Variants in GRIA1 observed in about 807,000 individuals in gnomAD.
GRIA1 encodes glutamate ionotropic receptor AMPA type subunit 1, also known as glutamate receptor 1.
GRIA1 carries 31 observed loss-of-function variants against 99.2 expected under a neutral mutation model. The observed-to-expected ratio is 0.31, with a 90% CI of 0.23 to 0.42. The LOEUF (loss-of-function observed/expected upper bound fraction) is 0.42, where lower values mean the gene tolerates loss of function less well. Among genes scored for constraint, GRIA1 ranks in the 10% least tolerant of loss-of-function variants. The pLI is 1.00. For missense variants in GRIA1, 782 were observed against 1,157.5 expected, an observed-to-expected ratio of 0.68 and a Z score of 4.71; for synonymous variants, 438 against 432.4, an observed-to-expected ratio of 1.01 and a Z score of -0.16.
At chr5:153,766,079 G>A (rs1289495879) in intron 12 of GRIA1, among the ~76,000 whole-genome samples, 1 of 152,088 alleles carries the variant, frequency 6.6e-6, no homozygotes, top group Non-Finnish European at 1.5e-5. Flanking sequence ...CTTGACCATG[G>A]GCTTTGTATT....
intron 5 of GRIA1, among the ~76,000 whole-genome samples, chr5:153,661,357 T>C (rs1755358935): frequency 6.6e-6 from 1 of 152,234 alleles, no homozygotes; most frequent in Non-Finnish European, 1.5e-5. Flanking sequence ...TCTGAGTTTT[T>C]GTTGCCTTAT....
chr5:153,740,751 G>T (rs1245545366), intron 11 of GRIA1, among the ~76,000 whole-genome samples: 1 of 152,102 alleles, frequency 6.6e-6, no homozygotes, highest in Non-Finnish European at 1.5e-5. Flanking sequence ...AGTGAACTAT[G>T]AACAGAAGTG....
At chr5:153,550,364 C>A (rs1388463162) in intron 2 of GRIA1, among the ~76,000 whole-genome samples, 7 of 150,804 alleles carry the variant, frequency 4.6e-5, no homozygotes, top group Non-Finnish European at 8.8e-5. Context: ...TAGAGGCAGG[C>A]ATTGGGGTGG....
In GRIA1 at chr5:153,705,693, T is replaced by TTTTTTTAA; in HGVS notation, c.1453-4_1453-3insTTTTTTAA. Reference sequence around the variant, plus strand: ...TTTTTTTTTTTTTTTTTTTTTTTTTTCAGAGAGCAGATGTGGCTGTGGCTC... The same window carrying TTTTTTTAA: ...TTTTTTTTTTTTTTTTTTTTTTTTTTTTTTTTAACAGAGAGCAGATGTGGCTGTGGCTC... On this transcript the variant is annotated splice_polypyrimidine_tract_variant and splice_region_variant and intron_variant, in intron 10 of 15. Transcript: ENST00000285900. The TTTTTTTAA allele has an allele frequency of 1.8e-6, 2 of 1,101,462 alleles. No homozygotes were observed. The highest frequency in any genetic ancestry group is 2.4e-6 in the Non-Finnish European group (2 of 840,710). The allele number at this position is 1,101,462 out of a possible 1,614,324, so 68.2% of individuals were successfully genotyped here. A position where few individuals can be genotyped will look rare whatever the true frequency, so the allele number is the denominator to read the frequency against.
chr5:153,695,107 C>G (rs1404845899), intron 8 of GRIA1, among the ~76,000 whole-genome samples: 1 of 152,094 alleles, frequency 6.6e-6, no homozygotes, highest in Admixed American at 6.6e-5. Context: ...GACCTGGGTT[C>G]TATGTTCTGC....
At chr5:153,780,970 T>G (rs2149637305) in intron 13 of GRIA1, among the ~76,000 whole-genome samples, 1 of 152,042 alleles carries the variant, frequency 6.6e-6, no homozygotes, top group Middle Eastern at 3.4e-3. Flanking sequence ...TTCCAGTGTC[T>G]GAGAAGCCCA....
In GRIA1 at chr5:153,650,601, G is replaced by A. The variant is rs924390337; in HGVS notation, c.645+87G>A. The A allele has an allele frequency of 4.2e-5, 55 of 1,295,674 alleles. No individual in the cohort carries two copies. In the African/African-American group the frequency reaches 8.0e-4, roughly 19 times the overall value. 80.3% of individuals were successfully genotyped at this position (1,295,674 alleles called of 1,614,324 possible). A position where few individuals can be genotyped will look rare whatever the true frequency, so the allele number is the denominator to read the frequency against. On this transcript the variant is annotated intron_variant, in intron 4 of 15. Coordinates refer to ENST00000285900, the MANE Select transcript of GRIA1 (RefSeq NM_000827.4). Reference sequence around the variant, plus strand: ...ACTTTTGCCTTGGGTGTTATAAAGAGGGTTATAAAGAGGGTTCTTGACTAG... The same window carrying A: ...ACTTTTGCCTTGGGTGTTATAAAGAAGGTTATAAAGAGGGTTCTTGACTAG...
intron 5 of GRIA1, among the ~76,000 whole-genome samples, chr5:153,662,612 T>C (rs1755452301): frequency 6.6e-6 from 1 of 152,130 alleles, no homozygotes; most frequent in Admixed American, 6.5e-5. Context: ...AGGGTACCTA[T>C]GAAACTCATC....
intron 8 of GRIA1, among the ~76,000 whole-genome samples, chr5:153,689,243 A>T (rs990950138): frequency 6.6e-6 from 1 of 152,116 alleles, no homozygotes; most frequent in Admixed American, 6.6e-5. Flanking sequence ...TGCCTTGACA[A>T]TGAAAACATA....
At chr5:153,664,952 T>C (rs1460457736) in intron 5 of GRIA1, among the ~76,000 whole-genome samples, 5 of 152,190 alleles carry the variant, frequency 3.3e-5, no homozygotes, top group African/African-American at 1.2e-4. Context: ...GTTTTGATCA[T>C]GTAAAGGGTA....
chr5:153,618,194 G>T (rs978584414), intron 2 of GRIA1, among the ~76,000 whole-genome samples: 4 of 152,142 alleles, frequency 2.6e-5, no homozygotes, highest in African/African-American at 9.7e-5. Context: ...CTAATCTAGG[G>T]ATTCAAACTT....
At chr5:153,745,333 A>C in intron 11 of GRIA1, among the ~76,000 whole-genome samples, 1 of 152,018 alleles carries the variant, frequency 6.6e-6, no homozygotes, top group African/African-American at 2.4e-5. Context: ...GACACCTATA[A>C]TCCCAGCACT....
rs771309616 is a variant in GRIA1, at chr5:153,794,611, G to A, written c.2271-10G>A. On this transcript the variant is annotated splice_polypyrimidine_tract_variant and intron_variant, in intron 13 of 15. Transcript: ENST00000285900. The stretch of plus-strand genomic sequence containing the variant: ...GTTACTCATCGAGTGTTATTTATTC[G>A]TTTTTAAAGAAATCCAGTAAACCTG... The A allele has an allele frequency of 8.6e-5, 135 of 1,564,974 alleles. 1 individual carries two copies. Among genetic ancestry groups the A allele is most frequent in the East Asian group, 2.0e-4 (9 of 44,636 alleles).
chr5:153,755,665 G>A (rs1762781510), intron 11 of GRIA1: 1 of 152,222 alleles, frequency 6.6e-6, no homozygotes. Flanking sequence ...GGGCAACATA[G>A]CGAGATACTG....
At position 153,607,059 on chromosome 5, in the gene GRIA1, AT is replaced by A; in HGVS notation, c.221-39868del. Among the ~76,000 whole-genome samples, 4 of 147,210 alleles carry A rather than the reference AT, an allele frequency of 2.7e-5. No homozygotes were observed. The South Asian group carries it at 8.5e-4, about 31-fold the overall frequency. On this transcript the variant is annotated intron_variant, in intron 2 of 15. Coordinates refer to ENST00000285900, the MANE Select transcript of GRIA1 (RefSeq NM_000827.4). ...TCACAAAAGATATATATATATATAT[AT>A]ATATATATAATCACAGTTTCTTTAT...
intron 2 of GRIA1, among the ~76,000 whole-genome samples, chr5:153,502,541 G>A (rs372182003): frequency 3.9e-5 from 6 of 152,166 alleles, no homozygotes; most frequent in African/African-American, 9.7e-5. Flanking sequence ...CCTAAATAAG[G>A]TATAAGGTTC....
At chr5:153,768,288 C>T (rs4576205) in intron 12 of GRIA1, among the ~76,000 whole-genome samples, 90,744 of 151,882 alleles carry the variant, frequency 0.6, 27,861 homozygotes, top group East Asian at 0.94. Flanking sequence ...GCTTGAATGA[C>T]GTATCTTCAG....
intron 11 of GRIA1, among the ~76,000 whole-genome samples, chr5:153,752,685 A>G (rs1490809524): frequency 6.6e-6 from 1 of 152,208 alleles, no homozygotes. Context: ...TGTCTGCCAT[A>G]TAGGAAATGC....
chr5:153,492,387 C>G (rs567748166), intron 1 of GRIA1: 1 of 1,333,770 alleles, frequency 7.5e-7, no homozygotes, highest in Non-Finnish European at 9.9e-7. Context: ...TAGCCCAGCC[C>G]GTAGCCTTCT....
Sources: gnomAD v4.1 joint callset for allele counts (sites outside exome capture counted in the v4.1 genomes callset) on GRCh38, gnomAD v4.1.1 for gene constraint, MANE v1.5 for transcripts, NCBI Gene and HGNC (gene_info 2026-07-23, HGNC 2026-07-21) for gene names.